The following S100Z variants were observed in gnomAD, a reference collection of about 807,000 sequenced individuals.
S100Z encodes the protein S100 calcium binding protein Z, also known as protein S100-Z.
S100Z carries 11 observed loss-of-function variants against 8.5 expected under a neutral mutation model. The ratio of observed to expected loss-of-function variants is 1.30; its 90% CI spans 0.82 to 2.15. S100Z has a LOEUF of 2.15. Among genes scored for constraint, S100Z ranks in the 30% most tolerant of loss-of-function variants. The pLI, the probability that S100Z is intolerant of heterozygous loss-of-function variation, is 0.00. For missense variants in S100Z, 126 were observed against 117.9 expected, an observed-to-expected ratio of 1.07 and a Z score of -0.32; for synonymous variants, 34 against 43.8, an observed-to-expected ratio of 0.78 and a Z score of 0.89.
At chr5:76,940,470 C>T in the S100Z span, among the ~76,000 whole-genome samples, 13 of 151,470 alleles carry the variant, frequency 8.6e-5, no homozygotes, top group African/African-American at 1.5e-4. Flanking sequence ...TGGAGTGCAG[C>T]GGCACGATCT....
At chr5:76,889,705 G>T (rs1743791956) in intron 4 of S100Z, among the ~76,000 whole-genome samples, 1 of 152,238 alleles carries the variant, frequency 6.6e-6, no homozygotes, top group Non-Finnish European at 1.5e-5. Flanking sequence ...TGTACCAAAA[G>T]CTCTTTTCCA....
chr5:76,899,182 C>T lies in S100Z; in HGVS notation c.*2+21348C>T, dbSNP rs187331400. On this transcript the variant is annotated intron_variant, in intron 4 of 4. Coordinates refer to ENST00000317593, the MANE Select transcript of S100Z (RefSeq NM_130772.4). ...CTCCTCACCTCAAGTGATCCACCCACCTCAGCCTCCCAAAGTGCGGGATTA... is the reference window on the plus strand; with the variant it reads ...CTCCTCACCTCAAGTGATCCACCCATCTCAGCCTCCCAAAGTGCGGGATTA... 4.9e-3 allele frequency among the ~76,000 whole-genome samples: 740 copies of T among 152,244 alleles called. 2 individuals carry two copies. The highest frequency in any genetic ancestry group is 0.01 in the Middle Eastern group (3 of 294).
chr5:76,895,261 C>T (rs993610528), intron 4 of S100Z, among the ~76,000 whole-genome samples: 20 of 152,172 alleles, frequency 1.3e-4, no homozygotes, highest in Non-Finnish European at 2.8e-4. Context: ...ACAAGTATAG[C>T]ACCAACCAAA....
chr5:76,913,634 A>G (rs1380425644), intron 4 of S100Z, among the ~76,000 whole-genome samples: 2 of 152,184 alleles, frequency 1.3e-5, no homozygotes, highest in African/African-American at 4.8e-5. Flanking sequence ...ACTACCACAC[A>G]CTCTCAAAGG....
chr5:76,851,186 C>A (rs1220931357), intron 1 of S100Z, among the ~76,000 whole-genome samples: 1 of 152,172 alleles, frequency 6.6e-6, no homozygotes, highest in Admixed American at 6.5e-5. Context: ...AGGACTGGCA[C>A]CTGAGCAGAG....
chr5:76,857,498 ATTTTT>A (rs11317478), intron 1 of S100Z, among the ~76,000 whole-genome samples: 2 of 125,320 alleles, frequency 1.6e-5, no homozygotes, highest in African/African-American at 3.0e-5. Flanking sequence ...TCCTGCCCCC[ATTTTT>A]TTTTTTTTTT....
intron 4 of S100Z, among the ~76,000 whole-genome samples, chr5:76,898,243 C>T (rs1342711126): frequency 1.3e-5 from 2 of 152,076 alleles, no homozygotes; most frequent in Admixed American, 6.6e-5. Flanking sequence ...CTCCACCTCC[C>T]GGGTTCAAGT....
chr5:76,861,215 T>G (rs1751045992), intron 1 of S100Z, among the ~76,000 whole-genome samples: 1 of 152,194 alleles, frequency 6.6e-6, no homozygotes, highest in South Asian at 2.1e-4. Flanking sequence ...TTGGTACTGG[T>G]TGCCAGCAAG....
chr5:76,899,988 C>T (rs182712575), intron 4 of S100Z, among the ~76,000 whole-genome samples: 16 of 152,270 alleles, frequency 1.1e-4, no homozygotes, highest in South Asian at 4.1e-4. Context: ...GCAGGTTTGA[C>T]GGATATTTTC....
chr5:76,860,556 T>C (rs2460508), intron 1 of S100Z, among the ~76,000 whole-genome samples: 75,913 of 151,700 alleles, frequency 0.5, 19,705 homozygotes, highest in Middle Eastern at 0.68. Flanking sequence ...TAATTATTTT[T>C]AGTGAATTAT....
At chr5:76,933,980 T>C in the S100Z span, among the ~76,000 whole-genome samples, 3 of 152,260 alleles carry the variant, frequency 2.0e-5, no homozygotes, top group African/African-American at 7.2e-5. Flanking sequence ...TGGAATCATG[T>C]ATTTCTGGCT....
chr5:76,918,260 G>A (rs558496963), intron 4 of S100Z, among the ~76,000 whole-genome samples: 1 of 152,284 alleles, frequency 6.6e-6, no homozygotes, highest in South Asian at 2.1e-4. Context: ...AGGCTTGAGT[G>A]CAGTGGTACA....
the S100Z span, among the ~76,000 whole-genome samples, chr5:76,945,616 C>G: frequency 3.3e-5 from 5 of 152,226 alleles, no homozygotes; most frequent in African/African-American, 9.6e-5. Context: ...AAGCATAAAC[C>G]TGGCCTATGT....
intron 2 of S100Z, among the ~76,000 whole-genome samples, chr5:76,872,023 G>A (rs1413977944): frequency 6.6e-6 from 1 of 152,130 alleles, no homozygotes; most frequent in Non-Finnish European, 1.5e-5. Flanking sequence ...GATCACTTGA[G>A]CCCAGGAGTT....
At chr5:76,868,403 C>G (rs933755182) in intron 1 of S100Z, among the ~76,000 whole-genome samples, 2 of 152,152 alleles carry the variant, frequency 1.3e-5, no homozygotes, top group Admixed American at 6.5e-5. Context: ...ACATTTTCAT[C>G]TCTTGAATCA....
Position 76,880,079 on chromosome 5 carries a change from G to A in S100Z, c.*2+2245G>A, listed in dbSNP as rs1401461018. Among the ~76,000 whole-genome samples, 8 of 152,290 alleles carry A rather than the reference G, an allele frequency of 5.3e-5. No homozygotes were observed. In the South Asian group the frequency reaches 8.3e-4, roughly 16 times the overall value. ...GGTGGAGTTAGGAGCAATGTTTTGCGGGCAGAGGGTGGATCTCACAAAGTA... is the reference window on the plus strand; with the variant it reads ...GGTGGAGTTAGGAGCAATGTTTTGCAGGCAGAGGGTGGATCTCACAAAGTA... On this transcript the variant is annotated intron_variant, in intron 4 of 4. Transcript: ENST00000317593.
chr5:76,869,864 C>T (rs1742944803), intron 1 of S100Z, among the ~76,000 whole-genome samples: 2 of 152,064 alleles, frequency 1.3e-5, no homozygotes. Flanking sequence ...ACTAAAAACA[C>T]ACAAAATAAT....
At chr5:76,908,620 C>T (rs1466376755) in intron 4 of S100Z, among the ~76,000 whole-genome samples, 1 of 152,200 alleles carries the variant, frequency 6.6e-6, no homozygotes, top group Non-Finnish European at 1.5e-5. Context: ...ATTTTCAGAT[C>T]CCTCCTCAGA....
At chr5:76,901,815 G>A (rs1744241340) in intron 4 of S100Z, among the ~76,000 whole-genome samples, 2 of 152,082 alleles carry the variant, frequency 1.3e-5, no homozygotes, top group South Asian at 4.1e-4. Flanking sequence ...GGAATGTGCT[G>A]AGTCTAACCT....
Sources: gnomAD v4.1 joint callset for allele counts (sites outside exome capture counted in the v4.1 genomes callset) on GRCh38, gnomAD v4.1.1 for gene constraint, MANE v1.5 for transcripts, NCBI Gene and HGNC (gene_info 2026-07-23, HGNC 2026-07-21) for gene names.